CCDC81: variants seen among roughly 807,000 people sequenced by gnomAD.
CCDC81 encodes coiled-coil domain containing 81, also known as coiled-coil domain-containing protein 81.
CCDC81 carries 79 observed loss-of-function variants against 83.7 expected under a neutral mutation model. The observed-to-expected ratio is 0.94, with a 90% CI of 0.79 to 1.14. The LOEUF (loss-of-function observed/expected upper bound fraction) is 1.14, where lower values mean the gene tolerates loss of function less well. Ranked by LOEUF, CCDC81 falls within the 50% of genes most tolerant of loss-of-function variation. The pLI is 0.00. For missense variants in CCDC81, 791 were observed against 778.1 expected (o/e 1.02, Z -0.20); for synonymous variants, 252 against 278.1 (o/e 0.91, Z 0.93).
Position 86,386,149 on chromosome 11 carries a change from AATTT to A in CCDC81, c.141+41_141+44del, listed in dbSNP as rs777102676. The A allele has an allele frequency of 6.5e-5, 51 of 789,898 alleles. No homozygotes were observed. In the African/African-American group the frequency reaches 8.7e-4, roughly 13 times the overall value. The allele number at this position is 789,898 out of a possible 1,614,324, so 48.9% of individuals were successfully genotyped here. On this transcript the variant is annotated intron_variant, in intron 2 of 14. Coordinates refer to ENST00000445632, the MANE Select transcript of CCDC81 (RefSeq NM_001156474.2). ...TAATTTATTAATTTATTAATAAATTAATTTATTAATTTTAATGTAGGCATCTAAA... is the reference window on the plus strand; with the variant it reads ...TAATTTATTAATTTATTAATAAATTAATTAATTTTAATGTAGGCATCTAAA...
intron 6 of CCDC81, among the ~76,000 whole-genome samples, chr11:86,399,763 T>C (rs2138519588): frequency 6.6e-6 from 1 of 152,142 alleles, no homozygotes; most frequent in African/African-American, 2.4e-5. Context: ...TCTCACTTTC[T>C]CCATGAAAAC....
chr11:86,395,412 A>G lies in CCDC81; in HGVS notation c.634A>G (p.Arg212Gly), dbSNP rs1449265039. The G allele has an allele frequency of 1.2e-6, 2 of 1,613,704 alleles. No individual in the cohort carries two copies. The highest frequency in any genetic ancestry group is 3.3e-5 in the Admixed American group (2 of 59,996). Residue 212 changes from arginine (R) to glycine (G), a missense_variant and splice_region_variant, in exon 5 of 15, where the codon AGG becomes GGG. Transcript: ENST00000445632. ...KWPSSVLAFPRIELKEMENKL... is the reference protein window; with the variant it reads ...KWPSSVLAFPGIELKEMENKL... Reference sequence around the variant, plus strand: ...GCCCAGCAGTGTGCTTGCGTTTCCAAGGTGAGTGCTTTGCTTCACGGGTTC... The same window carrying G: ...GCCCAGCAGTGTGCTTGCGTTTCCAGGGTGAGTGCTTTGCTTCACGGGTTC...
chr11:86,400,626 G>A, intron 6 of CCDC81, 52 bp from the exon 7 acceptor site: 2 of 1,544,778 alleles, frequency 1.3e-6, no homozygotes, highest in Admixed American at 3.6e-5. Flanking sequence ...TACACAGTTA[G>A]TGGTTTGAGA....
Position 86,408,208 on chromosome 11 carries a change from G to A in CCDC81, c.1051G>A (p.Asp351Asn). The stretch of plus-strand genomic sequence containing the variant: ...TGAGGAAAGGAGGAGAGAGATAGAA[G>A]ATGAGAGACTCATACAGCAGTATCA... ...YSEERRREIE[D>N]ERLIQQYQML... Residue 351 changes from aspartate (D) to asparagine (N), a missense_variant, in exon 9 of 15, where the codon GAT becomes AAT. Physicochemically the swap from Asp to Asn is conservative, Grantham distance 23. Coordinates refer to ENST00000445632, the MANE Select transcript of CCDC81 (RefSeq NM_001156474.2). 4 of 1,614,050 alleles carry A rather than the reference G, an allele frequency of 2.5e-6. No individual in the cohort carries two copies. The highest frequency in any genetic ancestry group is 2.2e-5 in the South Asian group (2 of 91,064).
In CCDC81 at chr11:86,380,030, C is replaced by T. The variant is rs548182246; in HGVS notation, c.79+4788C>T. Among the ~76,000 whole-genome samples the T allele has an allele frequency of 2.9e-3, 380 of 130,674 alleles. 2 individuals carry two copies. Among genetic ancestry groups the T allele is most frequent in the African/African-American group, 0.012 (353 of 30,072 alleles). The allele number at this position is 130,674 out of a possible 152,430, so 85.7% of individuals were successfully genotyped here. ...ATTTTACCTTCACTTATTCCTTCTT[C>T]GATGGTCTTCCCTTTTTTTTTTTTT... On this transcript the variant is annotated intron_variant, in intron 1 of 14. Coordinates refer to ENST00000445632, the MANE Select transcript of CCDC81 (RefSeq NM_001156474.2).
At chr11:86,411,818 C>T (rs1490009587) in intron 10 of CCDC81, among the ~76,000 whole-genome samples, 1 of 152,102 alleles carries the variant, frequency 6.6e-6, no homozygotes, top group Non-Finnish European at 1.5e-5. Context: ...CCCTTTTGGT[C>T]TTAAAGCTTG....
intron 1 of CCDC81, among the ~76,000 whole-genome samples, chr11:86,381,623 G>A (rs1418160424): frequency 6.6e-6 from 1 of 152,140 alleles, no homozygotes; most frequent in Non-Finnish European, 1.5e-5. Context: ...ATTCCTCCTG[G>A]TATTTGCCTT....
Position 86,418,878 on chromosome 11 carries a change from C to CA in CCDC81, c.1692-1040dup, listed in dbSNP as rs199752568. 6.8e-3 allele frequency among the ~76,000 whole-genome samples: 978 copies of CA among 143,424 alleles called. 15 individuals are homozygous for CA. The highest frequency in any genetic ancestry group is 0.023 in the African/African-American group (878 of 38,732). The allele number at this position is 143,424 out of a possible 152,430, so 94.1% of individuals were successfully genotyped here. On this transcript the variant is annotated intron_variant, in intron 13 of 14. Coordinates refer to ENST00000445632, the MANE Select transcript of CCDC81 (RefSeq NM_001156474.2). ...TTTTGTTATGTGTTTTTTTAAACCA[C>CA]AAAAAAAAAATCTACGAAAAGAAAA...
At chr11:86,386,683 G>A (rs1593911722) in intron 2 of CCDC81, among the ~76,000 whole-genome samples, 1 of 152,020 alleles carries the variant, frequency 6.6e-6, no homozygotes, top group East Asian at 1.9e-4. Flanking sequence ...AGAGCTCTTG[G>A]GCAGAATTCA....
chr11:86,385,203 C>G (rs530425961), intron 1 of CCDC81, among the ~76,000 whole-genome samples: 4 of 152,082 alleles, frequency 2.6e-5, no homozygotes, highest in African/African-American at 9.6e-5. Flanking sequence ...GCCTGGCCAA[C>G]ATGGCGAAAC....
At chr11:86,380,840 G>C (rs1487969479) in intron 1 of CCDC81, among the ~76,000 whole-genome samples, 2 of 152,154 alleles carry the variant, frequency 1.3e-5, no homozygotes, top group African/African-American at 2.4e-5. Flanking sequence ...CTTGCATGCT[G>C]TCTACTATAT....
intron 7 of CCDC81, among the ~76,000 whole-genome samples, chr11:86,406,060 G>A (rs1457064176): frequency 6.6e-6 from 1 of 152,104 alleles, no homozygotes; most frequent in Admixed American, 6.5e-5. Flanking sequence ...GCCATGCCTG[G>A]CCTGTTTCTT....
At chr11:86,377,396 T>G (rs773927083) in intron 1 of CCDC81, among the ~76,000 whole-genome samples, 1 of 152,210 alleles carries the variant, frequency 6.6e-6, no homozygotes, top group Non-Finnish European at 1.5e-5. Flanking sequence ...CCAAAGGGGC[T>G]GTACTATGTT....
chr11:86,423,022 G>A lies in CCDC81; in HGVS notation c.*307G>A, dbSNP rs1001454066. The A allele has an allele frequency of 4.5e-5, 13 of 287,504 alleles. No individual in the cohort carries two copies. The highest frequency in any genetic ancestry group is 3.9e-4 in the Admixed American group (8 of 20,746). The allele number at this position is 287,504 out of a possible 1,614,324, so 17.8% of individuals were successfully genotyped here. On this transcript the variant is annotated 3_prime_UTR_variant, in exon 15 of 15. Coordinates refer to ENST00000445632, the MANE Select transcript of CCDC81 (RefSeq NM_001156474.2). ...TGGCTGCTGGGGTGCTGCTGACCCA[G>A]CCCTGCTGCTGCTCCATGACTTTGT...
rs1340881200 is a variant in CCDC81, at chr11:86,419,978, A to T, written c.1742A>T (p.Gln581Leu). The T allele has an allele frequency of 1.9e-6, 3 of 1,613,812 alleles. No individual in the cohort carries two copies. In the East Asian group the frequency reaches 6.7e-5, roughly 36 times the overall value. The change falls in exon 14 of 15, where the codon CAA (glutamine) becomes CTA (leucine). Residue 581 changes from glutamine to leucine, a missense_variant. Coordinates refer to ENST00000445632, the MANE Select transcript of CCDC81 (RefSeq NM_001156474.2). ...CTGGAGCGAGTAAATAGAGTCAACC[A>T]ATGCTTACAGGAGGACTGGGAAAGG... is the stretch of plus-strand genomic sequence containing the variant. The part of the protein sequence containing the change: ...AELERVNRVN[Q>L]CLQEDWERSA...
chr11:86,387,691 T>C lies in CCDC81; in HGVS notation c.298+19T>C, dbSNP rs1948263495. 2 of 1,550,388 alleles carry C rather than the reference T, an allele frequency of 1.3e-6. No homozygotes were observed. Among genetic ancestry groups the C allele is most frequent in the Non-Finnish European group, 1.8e-6 (2 of 1,131,604 alleles). ...ACTCCTGGTAAATAATTCTGATATG[T>C]AGGATTTTCCCAGAAGGTTACTGTC... On this transcript the variant is annotated intron_variant, in intron 3 of 14. Transcript: ENST00000445632.
intron 2 of CCDC81, 36 bp downstream of exon 2, chr11:86,386,148 T>A (rs749584353): frequency 2.5e-6 from 2 of 789,432 alleles, no homozygotes; most frequent in South Asian, 7.9e-5. Flanking sequence ...ATTAATAAAT[T>A]AATTTATTAA....
At chr11:86,398,738 A>C (rs1028318620) in intron 6 of CCDC81, among the ~76,000 whole-genome samples, 1 of 151,718 alleles carries the variant, frequency 6.6e-6, no homozygotes, top group Admixed American at 6.6e-5. Flanking sequence ...ACGCCCAGCT[A>C]ATTTTTGTAT....
intron 7 of CCDC81, among the ~76,000 whole-genome samples, chr11:86,402,883 G>A (rs1348069425): frequency 6.6e-6 from 1 of 152,028 alleles, no homozygotes; most frequent in Admixed American, 6.6e-5. Context: ...CTGTCACCAA[G>A]GCTAAAGAAC....
Sources: gnomAD v4.1 joint callset for allele counts (sites outside exome capture counted in the v4.1 genomes callset) on GRCh38, gnomAD v4.1.1 for gene constraint, MANE v1.5 for transcripts, NCBI Gene and HGNC (gene_info 2026-07-23, HGNC 2026-07-21) for gene names.